FAAH2: variants seen among roughly 807,000 people sequenced by gnomAD.
FAAH2 encodes the protein fatty-acid amide hydrolase 2.
A neutral mutation model predicts 36.9 loss-of-function variants in FAAH2; 60 were observed. The observed-to-expected ratio is 1.63, with a 90% CI of 1.32 to 2.02. The LOEUF (loss-of-function observed/expected upper bound fraction) is 2.02, where lower values mean the gene tolerates loss of function less well. FAAH2 is among the 30% of genes most tolerant of loss of function. The pLI, the probability that FAAH2 is intolerant of heterozygous loss-of-function variation, is 0.00. For synonymous variants in FAAH2, 214 were observed against 143.8 expected (o/e 1.49, Z -3.49); for missense variants, 689 against 397.5 (o/e 1.73, Z -6.23).
chrX:57,469,386 A>T (rs1485366385), intron 10 of FAAH2, among the ~76,000 whole-genome samples: 2 of 111,773 alleles, frequency 1.8e-5, no homozygotes, highest in African/African-American at 6.5e-5. Flanking sequence ...TTGGCTCAAA[A>T]TAAAGGGATG....
At chrX:57,352,677 GT>G (rs1341810963) in intron 5 of FAAH2, among the ~76,000 whole-genome samples, 1 of 110,945 alleles carries the variant, frequency 9.0e-6, no homozygotes, top group Non-Finnish European at 1.9e-5. Context: ...AATAATCTCT[GT>G]TTGCCAAAGA....
Position 57,286,713 on chromosome X carries a change from G to A in FAAH2, c.-113G>A. ...TCCTGTGGAATTGTGGGTAGACACT[G>A]GACTTGTAAACGAAAAGCTTCATAA... On this transcript the variant is annotated 5_prime_UTR_variant, in exon 1 of 11. Transcript: ENST00000374900. 1 of 770,748 alleles carries A rather than the reference G, an allele frequency of 1.3e-6. No homozygotes were observed. The highest frequency in any genetic ancestry group is 1.7e-6 in the Non-Finnish European group (1 of 574,803). The allele number at this position is 770,748 out of a possible 1,213,427, so 63.5% of individuals were successfully genotyped here.
At chrX:57,445,776 G>A (rs939331028) in intron 8 of FAAH2, among the ~76,000 whole-genome samples, 13 of 112,363 alleles carry the variant, frequency 1.2e-4, no homozygotes, top group African/African-American at 4.2e-4. Flanking sequence ...CTACATTGCC[G>A]GAGTTAAAGG....
chrX:57,285,042 T>A (rs1184730855), upstream of FAAH2, among the ~76,000 whole-genome samples: 35 of 112,408 alleles, frequency 3.1e-4, no homozygotes, highest in Admixed American at 2.9e-3. Context: ...TGACAAAACC[T>A]TTCTCTGGTA....
At chrX:57,451,117 C>A (rs950422991) in intron 10 of FAAH2, among the ~76,000 whole-genome samples, 1 of 111,402 alleles carries the variant, frequency 9.0e-6, no homozygotes, top group Non-Finnish European at 1.9e-5. Flanking sequence ...AGATAATATA[C>A]GAACTGGGAC....
chrX:57,378,932 AG>A, intron 6 of FAAH2, 146 bp downstream of exon 6: 1 of 635,156 alleles, frequency 1.6e-6, no homozygotes, highest in Non-Finnish European at 2.3e-6. Flanking sequence ...TACTTATATA[AG>A]TGGATACCAT....
the FAAH2 span, among the ~76,000 whole-genome samples, chrX:57,168,322 ACTACTGG>A: frequency 2.5e-4 from 28 of 109,930 alleles, no homozygotes; most frequent in Non-Finnish European, 4.6e-4. Context: ...TGTGCTCATC[ACTACTGG>A]AGCATCATTT....
chrX:57,335,753 A>G (rs1332433408), intron 4 of FAAH2, among the ~76,000 whole-genome samples: 1 of 111,845 alleles, frequency 8.9e-6, no homozygotes, highest in Non-Finnish European at 1.9e-5. Flanking sequence ...CCACGAGGCC[A>G]TATTTCAGAC....
intron 3 of FAAH2, among the ~76,000 whole-genome samples, chrX:57,328,221 T>C (rs898407811): frequency 3.6e-5 from 4 of 111,444 alleles, no homozygotes; most frequent in Non-Finnish European, 7.5e-5. Flanking sequence ...GAGGAGTACC[T>C]GGCCGTGTGA....
At chrX:57,159,514 A>C in the FAAH2 span, among the ~76,000 whole-genome samples, 2 of 110,229 alleles carry the variant, frequency 1.8e-5, no homozygotes, top group African/African-American at 6.6e-5. Context: ...CTTTTATTTC[A>C]TTGAGCAGTG....
At chrX:57,309,952 G>C (rs2052645574) in intron 2 of FAAH2, among the ~76,000 whole-genome samples, 1 of 111,594 alleles carries the variant, frequency 9.0e-6, no homozygotes. Flanking sequence ...TCCAATAATG[G>C]GATTGCTGGA....
chrX:57,347,176 C>A (rs1355978989), intron 5 of FAAH2, among the ~76,000 whole-genome samples: 1 of 111,588 alleles, frequency 9.0e-6, no homozygotes, highest in Non-Finnish European at 1.9e-5. Context: ...TAATTATTCT[C>A]TCTCCTCTCT....
At chrX:57,474,016 T>C (rs2057217736) in intron 10 of FAAH2, among the ~76,000 whole-genome samples, 2 of 111,670 alleles carry the variant, frequency 1.8e-5, no homozygotes, top group African/African-American at 6.5e-5. Context: ...AATATTGATA[T>C]GTGAGGTTTT....
chrX:57,259,326 C>T, the FAAH2 span, among the ~76,000 whole-genome samples: 1 of 111,361 alleles, frequency 9.0e-6, no homozygotes, highest in Non-Finnish European at 1.9e-5. Flanking sequence ...ACATTATTTG[C>T]AATAGCTAAG....
chrX:57,353,238 A>G (rs1196585789), intron 5 of FAAH2, among the ~76,000 whole-genome samples: 2 of 109,909 alleles, frequency 1.8e-5, no homozygotes, highest in Non-Finnish European at 3.8e-5. Flanking sequence ...GGTTCTGGTA[A>G]AAAAACAGAT....
At chrX:57,341,222 A>C (rs756550607) in intron 4 of FAAH2, 49 bp from the exon 5 acceptor site, 12 of 1,146,257 alleles carry the variant, frequency 1.0e-5, no homozygotes, top group Admixed American at 5.3e-5. Context: ...TATTCCATGC[A>C]AATAGTATAT....
intron 6 of FAAH2, among the ~76,000 whole-genome samples, chrX:57,380,402 C>T (rs973926117): frequency 9.0e-6 from 1 of 111,377 alleles, no homozygotes; most frequent in Admixed American, 9.6e-5. Flanking sequence ...AACTGAGACT[C>T]AATATATCTA....
the FAAH2 span, among the ~76,000 whole-genome samples, chrX:57,162,721 T>G: frequency 1.8e-5 from 2 of 112,279 alleles, no homozygotes; most frequent in Admixed American, 1.9e-4. Flanking sequence ...TCAGCTCCTT[T>G]AAGCACTTGT....
chrX:57,360,982 C>T (rs2054273557), intron 5 of FAAH2, among the ~76,000 whole-genome samples: 1 of 111,840 alleles, frequency 8.9e-6, no homozygotes, highest in African/African-American at 3.2e-5. Flanking sequence ...CAGCTTCATC[C>T]ACGTTCCTGC....
Sources: gnomAD v4.1 joint callset for allele counts (sites outside exome capture counted in the v4.1 genomes callset) on GRCh38, gnomAD v4.1.1 for gene constraint, MANE v1.5 for transcripts, NCBI Gene and HGNC (gene_info 2026-07-23, HGNC 2026-07-21) for gene names.